Variants in D2HGDH observed in about 807,000 individuals in gnomAD.
The protein encoded by D2HGDH is D-2-hydroxyglutarate dehydrogenase, also known as D-2-hydroxyglutarate dehydrogenase, mitochondrial.
A neutral mutation model predicts 46.9 loss-of-function variants in D2HGDH; 31 were observed. The ratio of observed to expected loss-of-function variants is 0.66; its 90% CI spans 0.50 to 0.89. The LOEUF (loss-of-function observed/expected upper bound fraction) is 0.89, where lower values mean the gene tolerates loss of function less well. D2HGDH is among the 40% of genes least tolerant of loss of function. The pLI is 0.00. For missense variants in D2HGDH, 698 were observed against 720.8 expected (o/e 0.97, Z 0.36); for synonymous variants, 364 against 332.6 (o/e 1.09, Z -1.03).
At chr2:241,758,767 ATATGTGTGTGTGTGTGTGTGTGTG>A (rs1319829899) in intron 9 of D2HGDH, among the ~76,000 whole-genome samples, 9 of 106,140 alleles carry the variant, frequency 8.5e-5, no homozygotes, top group Non-Finnish European at 1.8e-4. Context: ...GCCCCACAAT[ATATGTGTGTGTGTGTGTGTGTGTG>A]TGTGTGTGTG....
Position 241,755,858 on chromosome 2 carries a change from G to A in D2HGDH, c.1150G>A (p.Ala384Thr), listed in dbSNP as rs763871556. 6.2e-7 allele frequency: 1 copy of A among 1,612,628 alleles called. No individual in the cohort carries two copies. The highest frequency in any genetic ancestry group is 1.1e-5 in the South Asian group (1 of 91,046). Reference sequence around the variant, plus strand: ...TCGTCTCATCCTCTAGATGCTGTGGGCCCTGAGGGAAAGGATCACAGAGGC... The same window carrying A: ...TCGTCTCATCCTCTAGATGCTGTGGACCCTGAGGGAAAGGATCACAGAGGC... ...TDQRKVKMLWALRERITEALS... is the reference protein window; with the variant it reads ...TDQRKVKMLWTLRERITEALS... Residue 384 changes from alanine (A) to threonine (T), a missense_variant, in exon 9 of 10, where the codon GCC (alanine) becomes ACC (threonine). Ala to Thr is a moderately conservative substitution (Grantham distance 58). Coordinates refer to ENST00000321264, the MANE Select transcript of D2HGDH (RefSeq NM_152783.5).
intron 8 of D2HGDH, chr2:241,755,189 C>T (rs926015297): frequency 1.8e-5 from 23 of 1,297,116 alleles, no homozygotes; most frequent in East Asian, 1.1e-4. Context: ...GTGGCCCGCC[C>T]GCCGTGTCCC....
chr2:241,735,166 C>T lies in D2HGDH; in HGVS notation c.-59C>T. 1.4e-6 allele frequency: 2 copies of T among 1,439,516 alleles called. No individual in the cohort carries two copies. Among genetic ancestry groups the T allele is most frequent in the Non-Finnish European group, 9.0e-7 (1 of 1,106,628 alleles). The allele number at this position is 1,439,516 out of a possible 1,614,324, so 89.2% of individuals were successfully genotyped here. On this transcript the variant is annotated 5_prime_UTR_variant, in exon 2 of 10. Coordinates refer to ENST00000321264, the MANE Select transcript of D2HGDH (RefSeq NM_152783.5). ...CCAGCGGCTCCCTGCCCTTCCCCTC[C>T]GGGCCCTGAGTACCGGCCCCCCACC...
intron 3 of D2HGDH, among the ~76,000 whole-genome samples, chr2:241,741,411 C>T (rs1309992150): frequency 6.6e-6 from 1 of 152,228 alleles, no homozygotes; most frequent in Non-Finnish European, 1.5e-5. Flanking sequence ...AGATCATCCT[C>T]AGCAGGTGCT....
intron 6 of D2HGDH, among the ~76,000 whole-genome samples, chr2:241,746,761 G>A (rs757731754): frequency 2.6e-5 from 4 of 151,816 alleles, no homozygotes; most frequent in Admixed American, 6.6e-5. Flanking sequence ...GGTGGTGGAC[G>A]CCTGTAATCC....
chr2:241,753,352 G>T lies in D2HGDH; in HGVS notation c.1140+1964G>T, dbSNP rs1697605004. 2.0e-5 allele frequency among the ~76,000 whole-genome samples: 3 copies of T among 149,722 alleles called. 1 individual carries two copies. The South Asian group carries it at 6.4e-4, about 32-fold the overall frequency. On this transcript the variant is annotated intron_variant, in intron 8 of 9. Coordinates refer to ENST00000321264, the MANE Select transcript of D2HGDH (RefSeq NM_152783.5). ...GGTCCTGAGGCTTTTCTCTGCTGTT[G>T]TCCGGTGTTGGCGAGGCTCTGGGCA...
At chr2:241,736,562 C>G (rs1692882149) in intron 2 of D2HGDH, among the ~76,000 whole-genome samples, 1 of 152,170 alleles carries the variant, frequency 6.6e-6, no homozygotes, top group East Asian at 1.9e-4. Context: ...TGACTCTTCT[C>G]CAGTTGTCTT....
At position 241,734,936 on chromosome 2, in the gene D2HGDH, C is replaced by G. The variant is rs80241045; in HGVS notation, c.-92-197C>G. The stretch of plus-strand genomic sequence containing the variant: ...TGGGCAAGGTCCCGGCGAGGCCGCC[C>G]CGAGCCTGCGCGTCGCTAAGTCCAG... On this transcript the variant is annotated intron_variant, in intron 1 of 9. Coordinates refer to ENST00000321264, the MANE Select transcript of D2HGDH (RefSeq NM_152783.5). 112,294 of 387,796 alleles carry G rather than the reference C, an allele frequency of 0.29. 17,155 individuals carry two copies. Among genetic ancestry groups the G allele is most frequent in the Middle Eastern group, 0.35 (529 of 1,518 alleles). 24.0% of individuals were successfully genotyped at this position (387,796 alleles called of 1,614,324 possible).
chr2:241,756,407 T>C (rs1455076152), intron 9 of D2HGDH, among the ~76,000 whole-genome samples: 1 of 152,250 alleles, frequency 6.6e-6, no homozygotes, highest in Non-Finnish European at 1.5e-5. Flanking sequence ...CCCCAGCTGC[T>C]CTACCCCTTC....
At chr2:241,741,229 T>C in intron 3 of D2HGDH, 139 bp downstream of exon 3, 1 of 825,048 alleles carries the variant, frequency 1.2e-6, no homozygotes, top group South Asian at 1.4e-5. Context: ...GTGTTTGTTC[T>C]GTGGTTTTTC....
At chr2:241,744,971 G>T in intron 6 of D2HGDH, 94 bp downstream of exon 6, 1 of 1,441,552 alleles carries the variant, frequency 6.9e-7, no homozygotes. Context: ...GGGATGGAGG[G>T]ACCCCCCGCC....
At chr2:241,734,804 C>A (rs893105937) in intron 1 of D2HGDH, 109 bp downstream of exon 1, 1 of 169,220 alleles carries the variant, frequency 5.9e-6, no homozygotes, top group Non-Finnish European at 1.3e-5. Flanking sequence ...CCAGTCGGTG[C>A]CTGTGGGGGG....
chr2:241,737,090 T>A (rs1474444325), intron 2 of D2HGDH, among the ~76,000 whole-genome samples: 1 of 152,170 alleles, frequency 6.6e-6, no homozygotes, highest in Non-Finnish European at 1.5e-5. Flanking sequence ...TGCCTCCGCC[T>A]CCCGAGTAGC....
At chr2:241,748,714 G>T in intron 6 of D2HGDH, 1 of 717,534 alleles carries the variant, frequency 1.4e-6, no homozygotes. Context: ...TTCAGCCCCT[G>T]GTGGGGCTCC....
intron 8 of D2HGDH, among the ~76,000 whole-genome samples, chr2:241,752,392 C>T (rs1293484918): frequency 2.0e-5 from 3 of 152,128 alleles, no homozygotes; most frequent in Non-Finnish European, 4.4e-5. Context: ...TCCTAGGTCT[C>T]TGCCTGCCAT....
chr2:241,761,852 C>G (rs1298239351), intron 9 of D2HGDH, among the ~76,000 whole-genome samples: 1 of 151,992 alleles, frequency 6.6e-6, no homozygotes, highest in Non-Finnish European at 1.5e-5. Context: ...CTCAGATTTT[C>G]TTTGTCTGGA....
chr2:241,744,429 C>T (rs554265132), intron 5 of D2HGDH, among the ~76,000 whole-genome samples: 1 of 152,252 alleles, frequency 6.6e-6, no homozygotes, highest in Admixed American at 6.5e-5. Context: ...AGCTCGGGAG[C>T]TTTGATGCCT....
chr2:241,749,240 C>T (rs1696658154), intron 6 of D2HGDH: 2 of 1,183,552 alleles, frequency 1.7e-6, no homozygotes, highest in Non-Finnish European at 1.1e-6. Flanking sequence ...TCTGCAGCCA[C>T]ACCCCGACAT....
chr2:241,745,455 G>A (rs759273079), intron 6 of D2HGDH, among the ~76,000 whole-genome samples: 3 of 152,190 alleles, frequency 2.0e-5, no homozygotes, highest in Non-Finnish European at 4.4e-5. Flanking sequence ...TTCAGAAGTC[G>A]CACAGCCCGG....
Sources: allele counts gnomAD v4.1 joint callset (sites outside exome capture counted in the v4.1 genomes callset), GRCh38; gene constraint gnomAD v4.1.1; transcripts MANE v1.5; gene names NCBI Gene and HGNC (gene_info 2026-07-23, HGNC 2026-07-21).